The following GMCL1 variants were observed in gnomAD, a reference collection of about 807,000 sequenced individuals.
GMCL1 encodes germ cell-less 1, spermatogenesis associated, also known as germ cell-less protein-like 1.
A neutral mutation model predicts 75.5 loss-of-function variants in GMCL1; 54 were observed. The observed-to-expected ratio is 0.71, with a 90% confidence interval of 0.57 to 0.90. The LOEUF (loss-of-function observed/expected upper bound fraction) is 0.90. Among genes scored for constraint, GMCL1 ranks in the 40% least tolerant of loss-of-function variants. The probability of loss-of-function intolerance (pLI) is 0.00; values close to 1 mark genes in which losing one functional copy is unlikely to be tolerated. For synonymous variants in GMCL1, 210 were observed against 209.6 expected (o/e 1.00, Z -0.02); for missense variants, 537 against 622.7 (o/e 0.86, Z 1.47).
At chr2:69,852,388 C>T (rs1675341745) in intron 8 of GMCL1, among the ~76,000 whole-genome samples, 2 of 152,278 alleles carry the variant, frequency 1.3e-5, no homozygotes, top group Admixed American at 1.3e-4. Flanking sequence ...TTGCACAAAC[C>T]AAAATGTATG....
chr2:69,842,971 G>T (rs1573347031), intron 4 of GMCL1, 178 bp from the exon 5 acceptor site: 4 of 368,000 alleles, frequency 1.1e-5, no homozygotes, highest in Admixed American at 1.0e-4. Context: ...ACTTTTTTCA[G>T]TATTTTTATT....
chr2:69,847,343 T>C (rs1675183285), intron 6 of GMCL1, among the ~76,000 whole-genome samples, 200 bp from the exon 7 acceptor site: 1 of 152,244 alleles, frequency 6.6e-6, no homozygotes, highest in Non-Finnish European at 1.5e-5. Flanking sequence ...TGTATCCAGA[T>C]AGATTGCACT....
chr2:69,868,384 C>T (rs1005593712), intron 11 of GMCL1, among the ~76,000 whole-genome samples: 33 of 152,018 alleles, frequency 2.2e-4, no homozygotes, highest in African/African-American at 7.0e-4. Flanking sequence ...AATTGCAATT[C>T]AGGGTGTCAG....
Position 69,867,772 on chromosome 2 carries a change from T to C in GMCL1, c.1219-1947T>C, listed in dbSNP as rs111446508. 3.8e-3 allele frequency among the ~76,000 whole-genome samples: 576 copies of C among 152,310 alleles called. 3 individuals are homozygous for C. The highest frequency in any genetic ancestry group is 0.013 in the African/African-American group (550 of 41,562). On this transcript the variant is annotated intron_variant, in intron 11 of 13. Coordinates refer to ENST00000282570, the MANE Select transcript of GMCL1 (RefSeq NM_178439.5). Reference sequence around the variant, plus strand: ...AACACCGTACCCCATTGGGTTCCACTTGAATGTGGTAACCATGAACTTGAA... The same window carrying C: ...AACACCGTACCCCATTGGGTTCCACCTGAATGTGGTAACCATGAACTTGAA...
chr2:69,856,839 A>G (rs1675484040), intron 9 of GMCL1, among the ~76,000 whole-genome samples: 1 of 151,656 alleles, frequency 6.6e-6, no homozygotes, highest in Non-Finnish European at 1.5e-5. Context: ...ATTTCTTTGC[A>G]TTCATTTAAG....
chr2:69,830,634 G>A (rs1674645148), intron 1 of GMCL1, among the ~76,000 whole-genome samples: 1 of 152,318 alleles, frequency 6.6e-6, no homozygotes, highest in Middle Eastern at 3.4e-3. Context: ...TTGTAAAGGT[G>A]AAGTTTATCA....
Position 69,838,336 on chromosome 2 carries a change from C to CAAAAAAAAAAAA in GMCL1, c.384+683_384+694dup, listed in dbSNP as rs71397366. On this transcript the variant is annotated intron_variant, in intron 2 of 13. Coordinates refer to ENST00000282570, the MANE Select transcript of GMCL1 (RefSeq NM_178439.5). Reference sequence around the variant, plus strand: ...TGGGCAACAGAGCGAGACTCTGTCTCAAAAAAAAAAAAAAAAAAAAAAAAA... The same window carrying CAAAAAAAAAAAA: ...TGGGCAACAGAGCGAGACTCTGTCTCAAAAAAAAAAAAAAAAAAAAAAAAAAAAAAAAAAAAA... Among the ~76,000 whole-genome samples, 53 of 31,520 alleles carry CAAAAAAAAAAAA rather than the reference C, an allele frequency of 1.7e-3. 2 individuals are homozygous for CAAAAAAAAAAAA. Among genetic ancestry groups the CAAAAAAAAAAAA allele is most frequent in the Non-Finnish European group, 2.3e-3 (38 of 16,216 alleles). The allele number at this position is 31,520 out of a possible 152,430, so 20.7% of individuals were successfully genotyped here.
chr2:69,850,976 G>A (rs1675303179), intron 8 of GMCL1, among the ~76,000 whole-genome samples: 1 of 152,148 alleles, frequency 6.6e-6, no homozygotes. Context: ...TTAGCCATAT[G>A]TTTCCTCTTC....
chr2:69,847,879 T>A (rs186504674), intron 7 of GMCL1, among the ~76,000 whole-genome samples: 1 of 152,342 alleles, frequency 6.6e-6, no homozygotes, highest in East Asian at 1.9e-4. Flanking sequence ...TAACAAAAAA[T>A]ATGTTATTGC....
chr2:69,871,736 T>G lies in GMCL1; in HGVS notation c.1365-9T>G. 7.1e-7 allele frequency: 1 copy of G among 1,413,634 alleles called. No homozygotes were observed. Among genetic ancestry groups the G allele is most frequent in the Middle Eastern group, 1.8e-4 (1 of 5,544 alleles). The allele number at this position is 1,413,634 out of a possible 1,614,324, so 87.6% of individuals were successfully genotyped here. A position where few individuals can be genotyped will look rare whatever the true frequency, so the allele number is the denominator to read the frequency against. On this transcript the variant is annotated splice_polypyrimidine_tract_variant and intron_variant, in intron 12 of 13. Transcript: ENST00000282570. ...TTGTGTTTATTTTTTATTTTTTTTT[T>G]AATCCTAGATTACGTTTGGCTTCTT...
At position 69,870,146 on chromosome 2, in the gene GMCL1, CAGACTG is replaced by C. The variant is rs1194941124; in HGVS notation, c.1364+283_1364+288del. 3.3e-5 allele frequency among the ~76,000 whole-genome samples: 5 copies of C among 150,560 alleles called. No homozygotes were observed. In the East Asian group the frequency reaches 9.7e-4, roughly 29 times the overall value. On this transcript the variant is annotated intron_variant, in intron 12 of 13. Transcript: ENST00000282570. The stretch of plus-strand genomic sequence containing the variant: ...TGCTATTCCTAGCAAATAAAAGATC[CAGACTG>C]TTGAAATATGTAGCAAGGTATGTTT...
intron 11 of GMCL1, among the ~76,000 whole-genome samples, chr2:69,865,703 G>T (rs1675795381): frequency 6.6e-6 from 1 of 151,972 alleles, no homozygotes; most frequent in Non-Finnish European, 1.5e-5. Context: ...ATAAGTGAAA[G>T]AAAAGTATTT....
chr2:69,830,082 C>T lies in GMCL1; in HGVS notation c.190C>T (p.Pro64Ser), dbSNP rs932029346. The T allele has an allele frequency of 3.8e-6, 6 of 1,576,982 alleles. No homozygotes were observed. Among genetic ancestry groups the T allele is most frequent in the South Asian group, 1.2e-5 (1 of 86,298 alleles). The change falls in exon 1 of 14, where the codon CCT becomes TCT. Residue 64 changes from proline to serine, a missense_variant. By Grantham distance (74) the Pro-to-Ser change is moderately conservative. Around this residue, in one of 3 missense-constraint regions of GMCL1, gnomAD observed 144 missense variants for 127.2 expected, o/e 1.13. Transcript: ENST00000282570. The part of the protein sequence containing the change: ...RSSGSFCYCH[P>S]DSETDEDEEE... ...CAGCGGGTCCTTCTGCTACTGTCAC[C>T]CTGACTCGGAGACGGACGAGGATGA...
intron 4 of GMCL1, 114 bp from the exon 5 acceptor site, chr2:69,843,035 T>G: frequency 2.4e-6 from 1 of 419,288 alleles, no homozygotes; most frequent in Admixed American, 4.4e-5. Flanking sequence ...TAATGAGTTT[T>G]CTTTCTTTTC....
Position 69,834,159 on chromosome 2 carries a change from C to G in GMCL1, c.261-3388C>G, listed in dbSNP as rs576840363. On this transcript the variant is annotated intron_variant, in intron 1 of 13. Coordinates refer to ENST00000282570, the MANE Select transcript of GMCL1 (RefSeq NM_178439.5). Reference sequence around the variant, plus strand: ...CTAGAGTTTATAATGGCCTTTCCCCCACTCTTGTCAAAATAACAATATTCC... The same window carrying G: ...CTAGAGTTTATAATGGCCTTTCCCCGACTCTTGTCAAAATAACAATATTCC... Among the ~76,000 whole-genome samples the G allele has an allele frequency of 3.3e-5, 5 of 152,246 alleles. No homozygotes were observed. The East Asian group carries it at 9.6e-4, about 29-fold the overall frequency.
chr2:69,866,952 C>CA (rs541511421), intron 11 of GMCL1, among the ~76,000 whole-genome samples: 2 of 146,744 alleles, frequency 1.4e-5, no homozygotes, highest in Non-Finnish European at 3.0e-5. Context: ...TCTTTTCTTT[C>CA]TTTTTTTTTT....
chr2:69,846,692 C>T (rs1170337431), intron 6 of GMCL1, among the ~76,000 whole-genome samples: 1 of 152,186 alleles, frequency 6.6e-6, no homozygotes, highest in Non-Finnish European at 1.5e-5. Context: ...CTGGTGATAT[C>T]ATTTTCACTC....
At chr2:69,875,784 T>A (rs1309628392) in intron 13 of GMCL1, among the ~76,000 whole-genome samples, 2 of 151,444 alleles carry the variant, frequency 1.3e-5, no homozygotes, top group African/African-American at 4.9e-5. Context: ...AACCTCCACC[T>A]CCCGGGTTCA....
Position 69,832,948 on chromosome 2 carries a change from A to T in GMCL1, c.260+2796A>T, listed in dbSNP as rs140685566. On this transcript the variant is annotated intron_variant, in intron 1 of 13. Transcript: ENST00000282570. ...CTGAGGCAGAATAGCCACAGAAGGA[A>T]CAAATTTGGAATAGGTGCCCCCACC... 1.8e-4 allele frequency among the ~76,000 whole-genome samples: 28 copies of T among 151,784 alleles called. 1 individual carries two copies. The East Asian group carries it at 5.3e-3, about 29-fold the overall frequency.
Sources: allele counts gnomAD v4.1 joint callset (sites outside exome capture counted in the v4.1 genomes callset), GRCh38; gene constraint gnomAD v4.1.1; regional missense constraint gnomAD v4.1.1; transcripts MANE v1.5; gene names NCBI Gene and HGNC (gene_info 2026-07-23, HGNC 2026-07-21).